Variants in GRAMD1C observed in about 807,000 individuals in gnomAD.
The protein encoded by GRAMD1C is protein Aster-C.
GRAMD1C carries 89 observed loss-of-function variants against 97.8 expected under a neutral mutation model. The observed-to-expected ratio is 0.91, with a 90% CI of 0.77 to 1.09. GRAMD1C has a LOEUF of 1.09. GRAMD1C is among the 50% of genes least tolerant of loss of function. The pLI is 0.00. For missense variants in GRAMD1C, 740 were observed against 766.4 expected (o/e 0.97, Z 0.41); for synonymous variants, 256 against 267.0 (o/e 0.96, Z 0.40).
intron 6 of GRAMD1C, chr3:113,885,386 G>T: frequency 6.3e-7 from 1 of 1,580,254 alleles, no homozygotes; most frequent in Non-Finnish European, 8.7e-7. Flanking sequence ...CTTTTGCGGG[G>T]GCAGATCCGC....
chr3:113,889,916 G>T (rs1256681016), intron 6 of GRAMD1C, among the ~76,000 whole-genome samples: 1 of 152,166 alleles, frequency 6.6e-6, no homozygotes, highest in Non-Finnish European at 1.5e-5. Context: ...GGGATTACTG[G>T]TGTGAGCCTC....
chr3:113,917,082 G>A (rs1289716011), intron 10 of GRAMD1C, among the ~76,000 whole-genome samples: 15 of 152,176 alleles, frequency 9.9e-5, no homozygotes, highest in Admixed American at 9.8e-4. Context: ...GTTGCAGTGA[G>A]CTGAGATTGT....
Position 113,946,728 on chromosome 3 carries a change from T to G in GRAMD1C, c.*1250T>G, listed in dbSNP as rs1938104961. 1 of 152,186 alleles carries G rather than the reference T, an allele frequency of 6.6e-6. No individual in the cohort carries two copies. The highest frequency in any genetic ancestry group is 1.5e-5 in the Non-Finnish European group (1 of 68,046). The allele number at this position is 152,186 out of a possible 1,614,324, so 9.4% of individuals were successfully genotyped here. ...TGTTTGAACAACTATTGCCTTTAAT[T>G]AAATGTTTCATTTTTCTCCAGAGTC... On this transcript the variant is annotated 3_prime_UTR_variant, in exon 18 of 18. Coordinates refer to ENST00000358160, the MANE Select transcript of GRAMD1C (RefSeq NM_017577.5).
At chr3:113,865,446 G>T (rs1230932166) in intron 2 of GRAMD1C, among the ~76,000 whole-genome samples, 3 of 152,124 alleles carry the variant, frequency 2.0e-5, no homozygotes, top group African/African-American at 4.8e-5. Flanking sequence ...TTTTTGATTA[G>T]AAGCCAACTG....
chr3:113,835,178 A>T (rs80026516), upstream of GRAMD1C, among the ~76,000 whole-genome samples: 2,696 of 152,208 alleles, frequency 0.018, 72 homozygotes, highest in African/African-American at 0.059. Context: ...CTTTAAATAC[A>T]TGACCATTAA....
intron 6 of GRAMD1C, among the ~76,000 whole-genome samples, chr3:113,887,856 A>G (rs1231061503): frequency 1.3e-5 from 2 of 152,142 alleles, no homozygotes; most frequent in African/African-American, 2.4e-5. Context: ...AGGAAATATT[A>G]TGAATAATTG....
chr3:113,938,190 C>CT, intron 15 of GRAMD1C, 47 bp downstream of exon 15: 1 of 879,406 alleles, frequency 1.1e-6, no homozygotes, highest in Admixed American at 2.9e-5. Context: ...CAGCATTTAT[C>CT]TTTAACTAGT....
chr3:113,833,741 C>T (rs1709593869), intron 1 of GRAMD1C, among the ~76,000 whole-genome samples: 1 of 152,176 alleles, frequency 6.6e-6, no homozygotes, highest in Non-Finnish European at 1.5e-5. Flanking sequence ...TGAGACTCAG[C>T]TGTTTTTTCT....
chr3:113,884,627 T>C (rs1935381081), intron 6 of GRAMD1C, among the ~76,000 whole-genome samples: 2 of 152,050 alleles, frequency 1.3e-5, no homozygotes, highest in Admixed American at 1.3e-4. Context: ...GGTCAGGAGA[T>C]CGAGACCATC....
intron 3 of GRAMD1C, among the ~76,000 whole-genome samples, chr3:113,874,002 C>T (rs1215384761): frequency 6.6e-6 from 1 of 152,136 alleles, no homozygotes; most frequent in East Asian, 1.9e-4. Flanking sequence ...TAATTATTTA[C>T]AAGAAAATTC....
At chr3:113,872,012 G>A (rs569661021) in intron 3 of GRAMD1C, among the ~76,000 whole-genome samples, 1 of 152,232 alleles carries the variant, frequency 6.6e-6, no homozygotes, top group African/African-American at 2.4e-5. Context: ...GTTTAATTCA[G>A]TGTCTAGAAC....
At chr3:113,850,679 TC>T in intron 2 of GRAMD1C, 11 of 1,597,180 alleles carry the variant, frequency 6.9e-6, no homozygotes, top group Non-Finnish European at 9.4e-6. Context: ...CATGACTCCC[TC>T]CTTAAAAAGG....
At chr3:113,933,480 CA>C (rs1559823869) in intron 11 of GRAMD1C, 30 bp from the exon 12 acceptor site, 2 of 1,527,222 alleles carry the variant, frequency 1.3e-6, no homozygotes, top group East Asian at 4.5e-5. Context: ...TAAGCATATA[CA>C]TACAAACATT....
chr3:113,943,326 AT>A (rs1315240384), intron 17 of GRAMD1C, among the ~76,000 whole-genome samples: 3 of 152,244 alleles, frequency 2.0e-5, no homozygotes, highest in African/African-American at 4.8e-5. Flanking sequence ...CCATAAAAAA[AT>A]CTTTTTGTGA....
At chr3:113,889,914 T>C (rs1208849075) in intron 6 of GRAMD1C, among the ~76,000 whole-genome samples, 1 of 152,114 alleles carries the variant, frequency 6.6e-6, no homozygotes, top group Non-Finnish European at 1.5e-5. Context: ...CTGGGATTAC[T>C]GGTGTGAGCC....
intron 8 of GRAMD1C, among the ~76,000 whole-genome samples, chr3:113,905,128 C>T (rs2107321125): frequency 6.6e-6 from 1 of 152,334 alleles, no homozygotes; most frequent in South Asian, 2.1e-4. Flanking sequence ...GCCAGCATGC[C>T]CGGCCAACAC....
chr3:113,901,507 C>T lies in GRAMD1C; in HGVS notation c.656+361C>T, dbSNP rs1447915499. The stretch of plus-strand genomic sequence containing the variant: ...TGAAGGATACAATAACATGATTTTT[C>T]CTCAGGAATTCCCTAACATAGTGCT... On this transcript the variant is annotated intron_variant, in intron 7 of 17. Transcript: ENST00000358160. 1.8e-4 allele frequency among the ~76,000 whole-genome samples: 28 copies of T among 152,052 alleles called. 1 individual carries two copies. Among genetic ancestry groups the T allele is most frequent in the Non-Finnish European group, 1.3e-4 (9 of 68,004 alleles).
chr3:113,882,348 C>A (rs1935300958), intron 5 of GRAMD1C, among the ~76,000 whole-genome samples: 1 of 151,956 alleles, frequency 6.6e-6, no homozygotes, highest in South Asian at 2.1e-4. Flanking sequence ...GTATTTTTTT[C>A]TTATTCCTTT....
chr3:113,846,108 TA>T (rs1290329211), intron 2 of GRAMD1C, among the ~76,000 whole-genome samples: 1 of 20,628 alleles, frequency 4.8e-5, no homozygotes, highest in African/African-American at 1.3e-4. Context: ...CTTTCTGCAC[TA>T]ATTTTTTTTT....
Sources: gnomAD v4.1 joint callset for allele counts (sites outside exome capture counted in the v4.1 genomes callset) on GRCh38, gnomAD v4.1.1 for gene constraint, MANE v1.5 for transcripts, NCBI Gene and HGNC (gene_info 2026-07-23, HGNC 2026-07-21) for gene names.